The following NDE1 variants were observed in gnomAD, a reference collection of about 807,000 sequenced individuals.
The protein encoded by NDE1 is nudE neurodevelopment protein 1, also known as nuclear distribution protein nudE homolog 1.
Under a neutral mutation model 43.4 loss-of-function variants are expected in NDE1, and 28 were observed. The ratio of observed to expected loss-of-function variants is 0.65; its 90% CI spans 0.48 to 0.89. NDE1 has a LOEUF of 0.89. NDE1 is among the 40% of genes least tolerant of loss of function. The probability of loss-of-function intolerance (pLI) is 0.00; values close to 1 mark genes in which losing one functional copy is unlikely to be tolerated. For synonymous variants in NDE1, 184 were observed against 172.0 expected (o/e 1.07, Z -0.55); for missense variants, 441 against 434.1 (o/e 1.02, Z -0.14).
chr16:15,687,659 C>T, intron 5 of NDE1, 148 bp downstream of exon 5: 1 of 804,356 alleles, frequency 1.2e-6, no homozygotes, highest in Non-Finnish European at 2.1e-6. Flanking sequence ...TGTCGGACTG[C>T]ACTGGGCAGA....
rs887147001 is a variant in NDE1 at position 15,724,468 on chromosome 16, G to A, written c.*217G>A. ...GGGACCATGAGTGGCCCCTGTCCCT[G>A]GCCCCACAGACTCTGAGAAGCGAAG... On this transcript the variant is annotated 3_prime_UTR_variant, in exon 9 of 9. Transcript: ENST00000396354. The A allele has an allele frequency of 1.2e-5, 19 of 1,610,394 alleles. No homozygotes were observed. The African/African-American group carries it at 1.3e-4, about 11-fold the overall frequency.
chr16:15,690,353 C>CTTTT lies in NDE1; in HGVS notation c.524-766_524-763dup, dbSNP rs869069843. ...GCAACTGGCCTTTTTTTTTTTTTTT[C>CTTTT]TTTTTTTTTTTTTTTTTTTTTTTTT... On this transcript the variant is annotated intron_variant, in intron 5 of 8. Transcript: ENST00000396354. Among the ~76,000 whole-genome samples the CTTTT allele has an allele frequency of 2.8e-3, 229 of 80,986 alleles. 11 individuals carry two copies. Among genetic ancestry groups the CTTTT allele is most frequent in the African/African-American group, 7.8e-3 (152 of 19,470 alleles). 53.1% of individuals were successfully genotyped at this position (80,986 alleles called of 152,430 possible). A position where few individuals can be genotyped will look rare whatever the true frequency, so the allele number is the denominator to read the frequency against.
chr16:15,686,679 T>TA (rs752256240), intron 4 of NDE1: 2 of 358,832 alleles, frequency 5.6e-6, no homozygotes, highest in Non-Finnish European at 7.8e-6. Context: ...ACCTGTGTCT[T>TA]AAAAAATCAT....
At position 15,677,866 on chromosome 16, in the gene NDE1, G is replaced by A. The variant is rs779987698; in HGVS notation, c.303G>A (p.Ala101=). The A allele has an allele frequency of 2.0e-5, 32 of 1,613,942 alleles. No homozygotes were observed. Among genetic ancestry groups the A allele is most frequent in the South Asian group, 5.5e-5 (5 of 91,084 alleles). ...RQISALEDDL[A]QTKAIKDQLQ... Reference sequence around the variant, plus strand: ...TCTCAGCCTTGGAGGATGACCTCGCGCAGACCAAAGCCATTAAAGACCAAT... The same window carrying A: ...TCTCAGCCTTGGAGGATGACCTCGCACAGACCAAAGCCATTAAAGACCAAT... Residue 101 remains alanine, a synonymous_variant, in exon 4 of 9, where the codon GCG becomes GCA. Coordinates refer to ENST00000396354, the MANE Select transcript of NDE1 (RefSeq NM_017668.3).
intron 8 of NDE1, chr16:15,713,773 C>T (rs947177213): frequency 1.3e-5 from 2 of 152,326 alleles, no homozygotes; most frequent in Non-Finnish European, 2.9e-5. Flanking sequence ...GTGTGAGTCC[C>T]GTGCCCAGCC....
At chr16:15,697,767 C>T (rs114643511) in intron 8 of NDE1, among the ~76,000 whole-genome samples, 4,123 of 151,306 alleles carry the variant, frequency 0.027, 190 homozygotes, top group African/African-American at 0.095. Context: ...GGGAATTGAG[C>T]ATCAGTCATG....
At chr16:15,681,354 C>T (rs1295688837) in intron 4 of NDE1, among the ~76,000 whole-genome samples, 1 of 139,280 alleles carries the variant, frequency 7.2e-6, no homozygotes, top group East Asian at 2.1e-4. Flanking sequence ...GAGCCTTGAC[C>T]TCCTGGGGCA....
At position 15,677,697 on chromosome 16, in the gene NDE1, GTT is replaced by G. The variant is rs2037957652; in HGVS notation, c.238-102_238-101del. The G allele has an allele frequency of 2.6e-5, 34 of 1,329,646 alleles. No homozygotes were observed. In the South Asian group the frequency reaches 3.9e-4, roughly 15 times the overall value. 82.4% of individuals were successfully genotyped at this position (1,329,646 alleles called of 1,614,324 possible). A position where few individuals can be genotyped will look rare whatever the true frequency, so the allele number is the denominator to read the frequency against. On this transcript the variant is annotated intron_variant, in intron 3 of 8. Transcript: ENST00000396354. Reference sequence around the variant, plus strand: ...CTCCTGGGCTCAGGCAGTCCTCCCAGTTTAGCCTCCCGAGTAGCTGTGACTCC... The same window carrying G: ...CTCCTGGGCTCAGGCAGTCCTCCCAGTAGCCTCCCGAGTAGCTGTGACTCC...
At chr16:15,714,424 G>A (rs1398908241) in intron 8 of NDE1, 1 of 192,048 alleles carries the variant, frequency 5.2e-6, no homozygotes, top group Non-Finnish European at 1.1e-5. Flanking sequence ...TACTTTTCAG[G>A]GATCTTTTTC....
chr16:15,719,673 C>T lies in NDE1; in HGVS notation c.948-4518C>T, dbSNP rs144813247. The T allele has an allele frequency of 1.1e-5, 18 of 1,614,064 alleles. No individual in the cohort carries two copies. The highest frequency in any genetic ancestry group is 1.1e-4 in the South Asian group (10 of 91,094). The stretch of plus-strand genomic sequence containing the variant: ...GGCAAAGATCTCATCTCTGGAGGCA[C>T]GGGCATCTTCCAGCTCTCTTTGAAA... On this transcript the variant is annotated intron_variant, in intron 8 of 8. Transcript: ENST00000396354.
chr16:15,646,296 GC>G (rs1567608752), upstream of NDE1, among the ~76,000 whole-genome samples: 1 of 152,208 alleles, frequency 6.6e-6, no homozygotes, highest in Admixed American at 6.5e-5. Flanking sequence ...TCCGAGGGGG[GC>G]CAGGCGCAGT....
intron 6 of NDE1, among the ~76,000 whole-genome samples, chr16:15,691,616 C>T (rs2038757742): frequency 6.7e-6 from 1 of 148,764 alleles, no homozygotes; most frequent in African/African-American, 2.5e-5. Flanking sequence ...TTCCATTCTT[C>T]AAAGCCAGAA....
rs182138697 is a variant in NDE1 at position 15,658,185 on chromosome 16, G to A, written c.-43-6551G>A. 5.4e-3 allele frequency among the ~76,000 whole-genome samples: 823 copies of A among 152,192 alleles called. 10 individuals are homozygous for A. Among genetic ancestry groups the A allele is most frequent in the Middle Eastern group, 6.8e-3 (2 of 294 alleles). Reference sequence around the variant, plus strand: ...CACCGGCAGTTTCAGGCTTACCTCCGGCTTCAGGCTTACCTCCAGCTTCAG... The same window carrying A: ...CACCGGCAGTTTCAGGCTTACCTCCAGCTTCAGGCTTACCTCCAGCTTCAG... On this transcript the variant is annotated intron_variant, in intron 1 of 8. Coordinates refer to ENST00000396354, the MANE Select transcript of NDE1 (RefSeq NM_017668.3).
chr16:15,653,672 G>A (rs1247901766), intron 1 of NDE1, among the ~76,000 whole-genome samples: 1 of 149,682 alleles, frequency 6.7e-6, no homozygotes, highest in Non-Finnish European at 1.5e-5. Flanking sequence ...TGTATTTTCA[G>A]ACTTTTTTGT....
intron 1 of NDE1, among the ~76,000 whole-genome samples, chr16:15,653,743 T>A (rs2036614890): frequency 6.6e-6 from 1 of 151,836 alleles, no homozygotes; most frequent in Non-Finnish European, 1.5e-5. Context: ...ATTTTTTTTT[T>A]TTGAGACGGG....
intron 5 of NDE1, among the ~76,000 whole-genome samples, chr16:15,690,348 T>TTTC (rs2038679711): frequency 9.1e-6 from 1 of 109,676 alleles, no homozygotes; most frequent in South Asian, 3.2e-4. Flanking sequence ...TTTTTTTTTT[T>TTTC]TTTTCTTTTT....
At chr16:15,674,948 G>T (rs1279607117) in intron 3 of NDE1, among the ~76,000 whole-genome samples, 1 of 152,258 alleles carries the variant, frequency 6.6e-6, no homozygotes. Flanking sequence ...GTGATAATGT[G>T]TGAAAGCAGG....
chr16:15,686,904 CCAGGCTGGTCTTGAACTCCTGATCT>C, intron 4 of NDE1: 1 of 882,158 alleles, frequency 1.1e-6, no homozygotes, highest in African/African-American at 1.8e-5. Context: ...CCCAAGCTTG[CCAGGCTGGTCTTGAACTCCTGATCT>C]CAGGTCTTCC....
In NDE1 at chr16:15,673,568, G is replaced by A. The variant is rs117553511; in HGVS notation, c.238-4233G>A. ...GGTGATTTTTTTTTTTTTTTTAAGC[G>A]TTGGCCTGGGCTAGAGTGCAGTGGC... On this transcript the variant is annotated intron_variant, in intron 3 of 8. Coordinates refer to ENST00000396354, the MANE Select transcript of NDE1 (RefSeq NM_017668.3). 8.8e-5 allele frequency among the ~76,000 whole-genome samples: 13 copies of A among 147,892 alleles called. No homozygotes were observed. The East Asian group carries it at 1.6e-3, about 18-fold the overall frequency.
Sources: gnomAD v4.1 joint callset for allele counts (sites outside exome capture counted in the v4.1 genomes callset) on GRCh38, gnomAD v4.1.1 for gene constraint, MANE v1.5 for transcripts, NCBI Gene and HGNC (gene_info 2026-07-23, HGNC 2026-07-21) for gene names.